The following DCDC1 variants were observed in gnomAD, a reference collection of about 807,000 sequenced individuals.
DCDC1 encodes doublecortin domain-containing protein 1.
Under a neutral mutation model 178.3 loss-of-function variants are expected in DCDC1, and 200 were observed. That is an observed-to-expected ratio of 1.12 (90% CI 1.00 to 1.26). DCDC1 has a LOEUF of 1.26. Ranked by LOEUF, DCDC1 falls within the 50% of genes most tolerant of loss-of-function variation. The pLI is 0.00. For missense variants in DCDC1, 1,983 were observed against 1,749.2 expected, an observed-to-expected ratio of 1.13 and a Z score of -2.38; for synonymous variants, 690 against 604.8, an observed-to-expected ratio of 1.14 and a Z score of -2.07.
At chr11:31,161,873 T>C (rs916156184) in intron 9 of DCDC1, among the ~76,000 whole-genome samples, 12 of 152,202 alleles carry the variant, frequency 7.9e-5, no homozygotes, top group Non-Finnish European at 1.5e-4. Flanking sequence ...AGCACCATAA[T>C]GGAATATCAA....
intron 20 of DCDC1, among the ~76,000 whole-genome samples, chr11:31,052,406 G>C (rs879373271): frequency 1.3e-5 from 2 of 152,076 alleles, no homozygotes; most frequent in Non-Finnish European, 2.9e-5. Context: ...ATAATAGTGG[G>C]GGGCTTCAAT....
intron 24 of DCDC1, 64 bp downstream of exon 24, chr11:30,922,439 A>T: frequency 7.1e-7 from 1 of 1,416,802 alleles, no homozygotes; most frequent in East Asian, 2.7e-5. Flanking sequence ...ACTTTTTAAA[A>T]AGCAATATCA....
At chr11:31,227,752 T>C (rs2136737439) in intron 9 of DCDC1, among the ~76,000 whole-genome samples, 2 of 152,162 alleles carry the variant, frequency 1.3e-5, no homozygotes, top group South Asian at 4.1e-4. Context: ...ATATTATTTC[T>C]ACAAGACAGA....
chr11:31,008,261 C>G (rs1951971734), intron 20 of DCDC1, among the ~76,000 whole-genome samples: 1 of 151,800 alleles, frequency 6.6e-6, no homozygotes, highest in Non-Finnish European at 1.5e-5. Context: ...GAGTTTGGGT[C>G]AAGGAGGAAG....
At chr11:31,108,297 T>C (rs1040432170) in intron 12 of DCDC1, among the ~76,000 whole-genome samples, 2 of 152,152 alleles carry the variant, frequency 1.3e-5, no homozygotes. Context: ...TGATCATTAC[T>C]CTCCTCTTTA....
chr11:31,230,274 C>A (rs766247731), intron 9 of DCDC1, among the ~76,000 whole-genome samples: 3 of 150,146 alleles, frequency 2.0e-5, no homozygotes, highest in Non-Finnish European at 4.4e-5. Flanking sequence ...GCATTGTACA[C>A]TTAAAAAATG....
intron 9 of DCDC1, among the ~76,000 whole-genome samples, chr11:31,211,267 A>G (rs1214743897): frequency 6.6e-6 from 1 of 152,216 alleles, no homozygotes; most frequent in East Asian, 1.9e-4. Context: ...TATGATGATA[A>G]AGCATATATG....
At position 31,168,149 on chromosome 11, in the gene DCDC1, T is replaced by C. The variant is rs1191778448; in HGVS notation, c.1222-30365A>G. Among the ~76,000 whole-genome samples, 6 of 152,192 alleles carry C rather than the reference T, an allele frequency of 3.9e-5. No individual in the cohort carries two copies. The East Asian group carries it at 1.2e-3, about 29-fold the overall frequency. On this transcript the variant is annotated intron_variant, in intron 9 of 38. Transcript: ENST00000684477. ...CATCAACACTGGTTTCCTTTTCTTCTAACCCCATTTGATGTACCCACTCTC... is the reference window on the plus strand; with the variant it reads ...CATCAACACTGGTTTCCTTTTCTTCCAACCCCATTTGATGTACCCACTCTC...
chr11:30,883,434 A>G (rs777850329), intron 36 of DCDC1: 4 of 451,160 alleles, frequency 8.9e-6, no homozygotes, highest in Admixed American at 5.2e-5. Context: ...TCTAGAATAC[A>G]TTAACCTTAA....
At chr11:31,120,092 G>A (rs1960576990) in intron 11 of DCDC1, among the ~76,000 whole-genome samples, 1 of 152,112 alleles carries the variant, frequency 6.6e-6, no homozygotes. Flanking sequence ...GTCATTGGCA[G>A]AATAAAAATT....
At chr11:31,349,378 C>T (rs1381793551) in intron 1 of DCDC1, among the ~76,000 whole-genome samples, 1 of 152,070 alleles carries the variant, frequency 6.6e-6, no homozygotes, top group African/African-American at 2.4e-5. Context: ...ATCATCTATC[C>T]ATTCAATCAA....
Position 31,313,612 on chromosome 11 carries a change from C to G in DCDC1, c.165-5704G>C, listed in dbSNP as rs1948894874. Among the ~76,000 whole-genome samples, 5 of 152,272 alleles carry G rather than the reference C, an allele frequency of 3.3e-5. No homozygotes were observed. The South Asian group carries it at 1.0e-3, about 32-fold the overall frequency. On this transcript the variant is annotated intron_variant, in intron 3 of 38. Transcript: ENST00000684477. ...TCTACATTAAGATCTACACAGATATCTTTTCTAAAATTCAGTAAGTTGTAT... is the reference window on the plus strand; with the variant it reads ...TCTACATTAAGATCTACACAGATATGTTTTCTAAAATTCAGTAAGTTGTAT...
At chr11:31,138,948 G>A (rs1367773480) in intron 9 of DCDC1, among the ~76,000 whole-genome samples, 1 of 151,836 alleles carries the variant, frequency 6.6e-6, no homozygotes, top group Non-Finnish European at 1.5e-5. Context: ...GAATCTTTTG[G>A]TGATTCTGAT....
At chr11:31,219,316 A>T (rs1973983311) in intron 9 of DCDC1, among the ~76,000 whole-genome samples, 1 of 152,342 alleles carries the variant, frequency 6.6e-6, no homozygotes, top group South Asian at 2.1e-4. Context: ...CAAAAATTTC[A>T]TTAAGAAAAT....
chr11:30,986,263 A>G (rs1040734392), intron 20 of DCDC1, among the ~76,000 whole-genome samples: 2 of 151,796 alleles, frequency 1.3e-5, no homozygotes, highest in African/African-American at 4.8e-5. Flanking sequence ...TTCCTGCCTA[A>G]TACTTTGTTC....
At chr11:31,048,632 T>A (rs1955022715) in intron 20 of DCDC1, among the ~76,000 whole-genome samples, 1 of 152,178 alleles carries the variant, frequency 6.6e-6, no homozygotes. Context: ...GGTGGGTAGA[T>A]CACGAGGTCA....
At chr11:30,888,144 A>AAGAAAGAAAGAAAGAAAGAAAG (rs1554959136) in intron 36 of DCDC1, among the ~76,000 whole-genome samples, 5 of 142,020 alleles carry the variant, frequency 3.5e-5, no homozygotes, top group Non-Finnish European at 7.5e-5. Context: ...GAAAGAAAGA[A>AAGAAAGAAAGAAAGAAAGAAAG]AGAAAGAAAG....
At position 30,863,652 on chromosome 11, in the gene DCDC1, T is replaced by C. The variant is rs965599026; in HGVS notation, c.*1721A>G. 6.6e-6 allele frequency: 1 copy of C among 152,228 alleles called. No homozygotes were observed. Among genetic ancestry groups the C allele is most frequent in the African/African-American group, 2.4e-5 (1 of 41,468 alleles). The allele number at this position is 152,228 out of a possible 1,614,324, so 9.4% of individuals were successfully genotyped here. A position where few individuals can be genotyped will look rare whatever the true frequency, so the allele number is the denominator to read the frequency against. On this transcript the variant is annotated 3_prime_UTR_variant, in exon 39 of 39. Transcript: ENST00000684477. The stretch of plus-strand genomic sequence containing the variant: ...TGTTTTTGAATAAAACAAAATAAGA[T>C]ATTACTACAGAGAAAGTTAGAATCA...
chr11:31,249,164 C>A (rs1591536267), intron 8 of DCDC1, among the ~76,000 whole-genome samples: 1 of 152,046 alleles, frequency 6.6e-6, no homozygotes, highest in African/African-American at 2.4e-5. Flanking sequence ...TGTACCCCAA[C>A]AAAAACTAGG....
Sources: gnomAD v4.1 joint callset for allele counts (sites outside exome capture counted in the v4.1 genomes callset) on GRCh38, gnomAD v4.1.1 for gene constraint, MANE v1.5 for transcripts, NCBI Gene and HGNC (gene_info 2026-07-23, HGNC 2026-07-21) for gene names.